Variants in CNNM3 observed in about 807,000 individuals in gnomAD.
CNNM3 encodes the protein metal transporter CNNM3.
In CNNM3, 47 loss-of-function variants were observed where a neutral mutation model predicts 57.1. The observed-to-expected ratio is 0.82, with a 90% CI of 0.65 to 1.05. The LOEUF (loss-of-function observed/expected upper bound fraction) is 1.05, where lower values mean the gene tolerates loss of function less well. CNNM3 is among the 50% of genes least tolerant of loss of function. The probability of loss-of-function intolerance (pLI) is 0.00; values close to 1 mark genes in which losing one functional copy is unlikely to be tolerated. For missense variants in CNNM3, 957 were observed against 973.7 expected, an observed-to-expected ratio of 0.98 and a Z score of 0.23; for synonymous variants, 507 against 478.2, an observed-to-expected ratio of 1.06 and a Z score of -0.79.
chr2:96,816,652 C>G lies in CNNM3; in HGVS notation c.375C>G (p.Gly125=), dbSNP rs940083262. 10 of 1,076,126 alleles carry G rather than the reference C, an allele frequency of 9.3e-6. No individual in the cohort carries two copies. In the African/African-American group the frequency reaches 1.2e-4, roughly 13 times the overall value. The allele number at this position is 1,076,126 out of a possible 1,614,324, so 66.7% of individuals were successfully genotyped here. Residue 125 remains glycine (G), a synonymous_variant, in exon 1 of 8, where the codon GGC becomes GGG. Transcript: ENST00000305510. The part of the protein sequence containing the change: ...ALLAVRVEPG[G]GAAEEAAPPW... ...TGGCGGTGCGCGTGGAGCCGGGTGG[C>G]GGGGCGGCTGAGGAGGCGGCGCCGC...
chr2:96,827,579 C>T, intron 3 of CNNM3, 152 bp from the exon 4 acceptor site: 1 of 677,740 alleles, frequency 1.5e-6, no homozygotes, highest in Non-Finnish European at 2.5e-6. Context: ...CTGCCTAGTT[C>T]TCTTGTGTTG....
chr2:96,835,545 T>C (rs1042289762), downstream of CNNM3, among the ~76,000 whole-genome samples: 1 of 151,472 alleles, frequency 6.6e-6, no homozygotes, highest in Non-Finnish European at 1.5e-5. Flanking sequence ...CTCGGCTCAC[T>C]GCAAGCTCTG....
At chr2:96,823,822 C>G (rs1197722765) in intron 1 of CNNM3, among the ~76,000 whole-genome samples, 4 of 152,220 alleles carry the variant, frequency 2.6e-5, no homozygotes, top group African/African-American at 9.6e-5. Flanking sequence ...TCCCATCCCC[C>G]TGTCCTGGAC....
chr2:96,829,062 G>T lies in CNNM3; in HGVS notation c.1987G>T (p.Glu663Ter), dbSNP rs2079558523. The T allele has an allele frequency of 6.2e-7, 1 of 1,613,862 alleles. No individual in the cohort carries two copies. The highest frequency in any genetic ancestry group is 8.5e-7 in the Non-Finnish European group (1 of 1,180,022). The change falls in exon 7 of 8, where the codon GAG becomes TAG. Residue 663 changes from glutamate (E) to a stop codon, truncating the protein, a stop_gained. Coordinates refer to ENST00000305510, the MANE Select transcript of CNNM3 (RefSeq NM_017623.5). LOFTEE classifies it high-confidence loss of function. ...AGCCCAGAACCTGCCACAGTCCCCTGAGAACACCGACCTGCAGGTTATTCC... is the reference window on the plus strand; with the variant it reads ...AGCCCAGAACCTGCCACAGTCCCCTTAGAACACCGACCTGCAGGTTATTCC... The part of the protein sequence containing the change: ...TRAQNLPQSP[E>*]NTDLQVIPGS...
At chr2:96,825,327 T>C in intron 2 of CNNM3, 126 bp downstream of exon 2, 1 of 1,188,356 alleles carries the variant, frequency 8.4e-7, no homozygotes, top group African/African-American at 1.5e-5. Flanking sequence ...CCAGGCCCCC[T>C]TCTGAGCCCT....
At chr2:96,836,088 CT>C (rs1553484521), downstream of CNNM3, among the ~76,000 whole-genome samples, 8 of 143,462 alleles carry the variant, frequency 5.6e-5, no homozygotes, top group Non-Finnish European at 9.1e-5. Flanking sequence ...CCCTCCCCCC[CT>C]TTTTTTTTTC....
chr2:96,833,115 TC>T lies in CNNM3; in HGVS notation c.*501del. 2.4e-6 allele frequency: 2 copies of T among 824,600 alleles called. No homozygotes were observed. The highest frequency in any genetic ancestry group is 3.5e-6 in the Non-Finnish European group (2 of 578,004). 51.1% of individuals were successfully genotyped at this position (824,600 alleles called of 1,614,324 possible). On this transcript the variant is annotated 3_prime_UTR_variant, in exon 8 of 8. Coordinates refer to ENST00000305510, the MANE Select transcript of CNNM3 (RefSeq NM_017623.5). ...CTGGGGGTTCAGATCGATGGCCTTG[TC>T]CATGTTGTCCTTTCTGGCTTCCCTG... is the stretch of plus-strand genomic sequence containing the variant.
At position 96,827,882 on chromosome 2, in the gene CNNM3, C is replaced by T. The variant is rs753062919; in HGVS notation, c.1671C>T (p.Tyr557=). Residue 557 remains tyrosine (Y), a synonymous_variant, in exon 4 of 8, where the codon TAC becomes TAT. Coordinates refer to ENST00000305510, the MANE Select transcript of CNNM3 (RefSeq NM_017623.5). ...YLYQRSQPVD[Y]FILILQGRVE... is the part of the protein sequence containing the mutation. The stretch of plus-strand genomic sequence containing the variant: ...ACCAGCGCAGCCAGCCGGTGGATTA[C>T]TTCATTCTCATCCTGCAGGTAGCTG... 1 of 1,612,976 alleles carries T rather than the reference C, an allele frequency of 6.2e-7. No homozygotes were observed. The highest frequency in any genetic ancestry group is 1.1e-5 in the South Asian group (1 of 91,008).
In CNNM3 at chr2:96,835,374, A is replaced by G. The variant is rs1184619044; in HGVS notation, c.*2758A>G. ...TATTCCAAATAAAGCTGCTACGACTATTCATGTACAGGTTTCTGTGTCAGG... is the reference window on the plus strand; with the variant it reads ...TATTCCAAATAAAGCTGCTACGACTGTTCATGTACAGGTTTCTGTGTCAGG... On this transcript the variant is annotated 3_prime_UTR_variant, in exon 8 of 8. Transcript: ENST00000305510. Among the ~76,000 whole-genome samples the G allele has an allele frequency of 6.6e-6, 1 of 151,822 alleles. No individual in the cohort carries two copies. The highest frequency in any genetic ancestry group is 6.6e-5 in the Admixed American group (1 of 15,252).
intron 1 of CNNM3, among the ~76,000 whole-genome samples, chr2:96,819,796 G>C (rs939391814): frequency 6.6e-6 from 1 of 152,258 alleles, no homozygotes; most frequent in East Asian, 1.9e-4. Flanking sequence ...CAGAACTAAA[G>C]GCAACTTCTG....
At position 96,817,039 on chromosome 2, in the gene CNNM3, A is replaced by C; in HGVS notation, c.762A>C (p.Arg254=). The change falls in exon 1 of 8, where the codon CGA becomes CGC. Residue 254 remains arginine, a synonymous_variant. Coordinates refer to ENST00000305510, the MANE Select transcript of CNNM3 (RefSeq NM_017623.5). ...GCTGGACGCTGGCGCTGGCGCCGCG[A>C]GCGCTCGGCCTCAGCCGCCTGGCCG... The part of the protein sequence containing the change: ...SGRWTLALAP[R]ALGLSRLAVL... 7.3e-7 allele frequency: 1 copy of C among 1,370,488 alleles called. No individual in the cohort carries two copies. 84.9% of individuals were successfully genotyped at this position (1,370,488 alleles called of 1,614,324 possible).
In CNNM3 at chr2:96,816,274, G is replaced by T; in HGVS notation, c.-4G>T. On this transcript the variant is annotated 5_prime_UTR_variant, in exon 1 of 8. The change creates a new upstream start codon in the 5' untranslated region. Coordinates refer to ENST00000305510, the MANE Select transcript of CNNM3 (RefSeq NM_017623.5). ...CGCGAGAGGCCGAGAGGGGGCAGCA[G>T]GCGATGGCGGCGGCGGTAGCTGCGG... The T allele has an allele frequency of 7.6e-7, 1 of 1,310,558 alleles. No individual in the cohort carries two copies. The highest frequency in any genetic ancestry group is 3.0e-5 in the East Asian group (1 of 33,678). The allele number at this position is 1,310,558 out of a possible 1,614,324, so 81.2% of individuals were successfully genotyped here.
rs1175701568 is a variant in CNNM3 at position 96,825,043 on chromosome 2, GTCC to G, written c.1226-11_1226-9del. ...GGGCCCAGCAAGCTGTTCCATGAGTGTCCTCCCCCCACAGGGAAGTCCCACCTG... is the reference window on the plus strand; with the variant it reads ...GGGCCCAGCAAGCTGTTCCATGAGTGTCCCCCCACAGGGAAGTCCCACCTG... On this transcript the variant is annotated splice_polypyrimidine_tract_variant and intron_variant, in intron 1 of 7. Transcript: ENST00000305510. 6.2e-7 allele frequency: 1 copy of G among 1,611,844 alleles called. No homozygotes were observed. Among genetic ancestry groups the G allele is most frequent in the African/African-American group, 1.3e-5 (1 of 74,836 alleles).
Position 96,834,536 on chromosome 2 carries a change from A to G in CNNM3, c.*1920A>G, listed in dbSNP as rs1330807280. Among the ~76,000 whole-genome samples, 1 of 151,324 alleles carries G rather than the reference A, an allele frequency of 6.6e-6. No homozygotes were observed. Among genetic ancestry groups the G allele is most frequent in the African/African-American group, 2.4e-5 (1 of 41,120 alleles). ...ATACTTTTAATTTTTTTTTGTAGAG[A>G]TAGGGTCTCATTATGTTGCCTGGGG... On this transcript the variant is annotated 3_prime_UTR_variant, in exon 8 of 8. Transcript: ENST00000305510.
intron 1 of CNNM3, among the ~76,000 whole-genome samples, chr2:96,822,909 A>G (rs971360152): frequency 6.6e-6 from 1 of 152,192 alleles, no homozygotes; most frequent in Admixed American, 6.5e-5. Flanking sequence ...AAGCTTTTCC[A>G]GGGCTTTCTG....
chr2:96,822,239 A>C (rs987747163), intron 1 of CNNM3, among the ~76,000 whole-genome samples: 5 of 152,074 alleles, frequency 3.3e-5, no homozygotes, highest in African/African-American at 4.8e-5. Context: ...TCTTGACCTT[A>C]TGATCCGCCC....
At chr2:96,819,574 C>G (rs1182934503) in intron 1 of CNNM3, among the ~76,000 whole-genome samples, 1 of 152,144 alleles carries the variant, frequency 6.6e-6, no homozygotes, top group Admixed American at 6.5e-5. Flanking sequence ...TTGCAGATTT[C>G]TGTTCTTCTA....
At position 96,817,023 on chromosome 2, in the gene CNNM3, TG is replaced by T; in HGVS notation, c.748del (p.Ala250ArgfsTer170). On this transcript the variant is annotated frameshift_variant, in exon 1 of 8. Transcript: ENST00000305510. LOFTEE classifies it high-confidence loss of function. ...VPAAVSGRWT[L>X]ALAPRALGLS... ...GCCGCCGTGAGCGGGCGCTGGACGC[TG>T]GCGCTGGCGCCGCGAGCGCTCGGCC... 7.3e-7 allele frequency: 1 copy of T among 1,367,326 alleles called. No individual in the cohort carries two copies. The allele number at this position is 1,367,326 out of a possible 1,614,324, so 84.7% of individuals were successfully genotyped here.
At chr2:96,825,888 G>T (rs1036069830) in intron 2 of CNNM3, among the ~76,000 whole-genome samples, 1 of 151,688 alleles carries the variant, frequency 6.6e-6, no homozygotes, top group Non-Finnish European at 1.5e-5. Flanking sequence ...GAGACTGGAG[G>T]GGGTGGAAAT....
Sources: gnomAD v4.1 joint callset for allele counts (sites outside exome capture counted in the v4.1 genomes callset) on GRCh38, gnomAD v4.1.1 for gene constraint, MANE v1.5 for transcripts, NCBI Gene and HGNC (gene_info 2026-07-23, HGNC 2026-07-21) for gene names.